The following USP16 variants were observed in gnomAD, a reference collection of about 807,000 sequenced individuals.
USP16 encodes the protein ubiquitin carboxyl-terminal hydrolase 16.
A neutral mutation model predicts 95.9 loss-of-function variants in USP16; 77 were observed. The observed-to-expected ratio is 0.80, with a 90% confidence interval of 0.67 to 0.97. The LOEUF (loss-of-function observed/expected upper bound fraction) is 0.97. Among genes scored for constraint, USP16 ranks in the 50% least tolerant of loss-of-function variants. The pLI is 0.00. For synonymous variants in USP16, 303 were observed against 318.2 expected, an observed-to-expected ratio of 0.95 and a Z score of 0.51; for missense variants, 943 against 959.9, an observed-to-expected ratio of 0.98 and a Z score of 0.23.
chr21:29,035,433 G>A (rs1009554941), intron 4 of USP16, among the ~76,000 whole-genome samples: 1 of 151,214 alleles, frequency 6.6e-6, no homozygotes, highest in African/African-American at 2.4e-5. Flanking sequence ...GAGTGCAGTG[G>A]TGTGATCTCG....
chr21:29,046,751 T>C lies in USP16; in HGVS notation c.1441T>C (p.Tyr481His), dbSNP rs766523511. ...TATTGACCATCCTGAAGACAGTGAA[T>C]ATGAAGCTGAAATGTCACTTCAAGG... ...CTIDHPEDSE[Y>H]EAEMSLQGEV... is the part of the protein sequence containing the mutation. The change falls in exon 14 of 18, where the codon TAT (tyrosine) becomes CAT (histidine). Residue 481 changes from tyrosine to histidine, a missense_variant. Transcript: ENST00000399976. 1.1e-5 allele frequency: 17 copies of C among 1,613,918 alleles called. No individual in the cohort carries two copies. Among genetic ancestry groups the C allele is most frequent in the Non-Finnish European group, 1.2e-5 (14 of 1,179,984 alleles).
intron 10 of USP16, 38 bp from the exon 11 acceptor site, chr21:29,041,975 C>G: frequency 6.6e-7 from 1 of 1,522,600 alleles, no homozygotes; most frequent in Admixed American, 1.7e-5. Flanking sequence ...AATTATATAA[C>G]GGTAATTGGT....
chr21:29,053,838 T>G lies in USP16; in HGVS notation c.2230T>G (p.Leu744Val). Residue 744 changes from leucine (L) to valine (V), a missense_variant, in exon 17 of 18, where the codon TTA (leucine) becomes GTA (valine). Coordinates refer to ENST00000399976, the MANE Select transcript of USP16 (RefSeq NM_006447.3). ...AEENTRVLYS[L>V]YGVVEHSGTM... ...AGAAAATACAAGGGTACTCTATTCC[T>G]TATATGGAGTTGTTGAACACAGTGG... 6.2e-7 allele frequency: 1 copy of G among 1,613,966 alleles called. No individual in the cohort carries two copies. The highest frequency in any genetic ancestry group is 8.5e-7 in the Non-Finnish European group (1 of 1,179,966).
intron 14 of USP16, among the ~76,000 whole-genome samples, chr21:29,047,732 G>C (rs905346057): frequency 6.6e-6 from 1 of 151,766 alleles, no homozygotes; most frequent in Non-Finnish European, 1.5e-5. Flanking sequence ...TTCCTCAAAT[G>C]GGAGAAAGGA....
At chr21:29,053,150 G>C (rs2085441685) in intron 16 of USP16, 1 of 152,252 alleles carries the variant, frequency 6.6e-6, no homozygotes, top group African/African-American at 2.4e-5. Flanking sequence ...AGATTGGGAA[G>C]CTGAGTATAG....
chr21:29,049,948 T>C (rs1240915648), intron 15 of USP16, 144 bp from the exon 16 acceptor site: 1 of 677,040 alleles, frequency 1.5e-6, no homozygotes, highest in African/African-American at 1.8e-5. Flanking sequence ...AATCAGTTAG[T>C]GTTCAGGAAG....
chr21:29,047,229 T>A lies in USP16; in HGVS notation c.1919T>A (p.Phe640Tyr). 6.2e-7 allele frequency: 1 copy of A among 1,614,152 alleles called. No individual in the cohort carries two copies. Among genetic ancestry groups the A allele is most frequent in the Non-Finnish European group, 8.5e-7 (1 of 1,180,014 alleles). Residue 640 changes from phenylalanine to tyrosine, a missense_variant, in exon 14 of 18, where the codon TTC (phenylalanine) becomes TAC (tyrosine). Coordinates refer to ENST00000399976, the MANE Select transcript of USP16 (RefSeq NM_006447.3). The stretch of plus-strand genomic sequence containing the variant: ...TCAATCCAACATTGTTTATATCAGT[T>A]CACCCGTAATGAGAAACTTCGAGAT... Reference protein sequence around the residue: ...ECSIQHCLYQFTRNEKLRDAN... With the variant: ...ECSIQHCLYQYTRNEKLRDAN...
intron 15 of USP16, among the ~76,000 whole-genome samples, chr21:29,049,304 C>G (rs1000179744): frequency 6.6e-6 from 1 of 152,180 alleles, no homozygotes; most frequent in Non-Finnish European, 1.5e-5. Context: ...TGTATAACTT[C>G]TAAACTGTGT....
intron 1 of USP16, chr21:29,026,776 G>A (rs967201142): frequency 4.0e-5 from 6 of 151,786 alleles, no homozygotes; most frequent in African/African-American, 1.5e-4. Flanking sequence ...TTAAAGTGTT[G>A]TTATGAAAAT....
Position 29,030,763 on chromosome 21 carries a change from G to A in USP16, c.230G>A (p.Cys77Tyr). The A allele has an allele frequency of 6.2e-7, 1 of 1,606,086 alleles. No homozygotes were observed. Among genetic ancestry groups the A allele is most frequent in the Non-Finnish European group, 8.5e-7 (1 of 1,177,794 alleles). The change falls in exon 3 of 18, where the codon TGT becomes TAT. Residue 77 changes from cysteine to tyrosine, a missense_variant. Physicochemically the swap from Cys to Tyr is radical, Grantham distance 194. Coordinates refer to ENST00000399976, the MANE Select transcript of USP16 (RefSeq NM_006447.3). ...CCTTCAGTTTGGCTGTGTCTTAAAT[G>A]TGGCCATCAGGTATGCTTACGTTTT... The part of the protein sequence containing the change: ...EKPSVWLCLK[C>Y]GHQGCGRNSQ...
intron 6 of USP16, among the ~76,000 whole-genome samples, chr21:29,037,734 C>T (rs1452166180): frequency 2.0e-5 from 3 of 151,908 alleles, no homozygotes; most frequent in East Asian, 1.9e-4. Context: ...TACAGGCATG[C>T]GCCACCACTC....
chr21:29,039,658 C>A, intron 9 of USP16, 90 bp downstream of exon 9: 1 of 1,307,476 alleles, frequency 7.6e-7, no homozygotes, highest in Admixed American at 2.2e-5. Context: ...ACAATGAAAG[C>A]TAGTTATTAA....
intron 4 of USP16, among the ~76,000 whole-genome samples, chr21:29,036,001 A>G (rs1015754298): frequency 6.6e-6 from 1 of 152,236 alleles, no homozygotes; most frequent in Non-Finnish European, 1.5e-5. Context: ...TATGTAAACA[A>G]TCTTTTGACT....
Position 29,041,982 on chromosome 21 carries a change from T to TGGTAATTATATAAAC in USP16, c.1031-24_1031-23insATATAAACGGTAATT, listed in dbSNP as rs751175475. ...GTTTAATTAATTATATAACGGTAAT[T>TGGTAATTATATAAAC]GGTAATTGATAGACTTTTTTTTCTC... On this transcript the variant is annotated intron_variant, in intron 10 of 17. Coordinates refer to ENST00000399976, the MANE Select transcript of USP16 (RefSeq NM_006447.3). The TGGTAATTATATAAAC allele has an allele frequency of 2.6e-6, 4 of 1,559,418 alleles. No homozygotes were observed. In the African/African-American group the frequency reaches 5.4e-5, roughly 21 times the overall value.
chr21:29,027,616 C>G (rs2085011767), intron 1 of USP16, among the ~76,000 whole-genome samples: 3 of 152,208 alleles, frequency 2.0e-5, no homozygotes, highest in Admixed American at 2.0e-4. Context: ...GACCAAGGTT[C>G]TCTCCTGACC....
chr21:29,030,114 A>G (rs1019460576), intron 2 of USP16, among the ~76,000 whole-genome samples: 4 of 152,084 alleles, frequency 2.6e-5, no homozygotes, highest in Non-Finnish European at 2.9e-5. Flanking sequence ...ATTCTTATAC[A>G]TTAATTTATT....
chr21:29,026,833 A>G (rs149965549), intron 1 of USP16, among the ~76,000 whole-genome samples: 66 of 152,266 alleles, frequency 4.3e-4, no homozygotes, highest in Admixed American at 8.5e-4. Context: ...CAAAAGCACT[A>G]TATAGTTATA....
intron 10 of USP16, among the ~76,000 whole-genome samples, chr21:29,041,312 C>T (rs531628160): frequency 2.0e-5 from 3 of 152,108 alleles, no homozygotes; most frequent in African/African-American, 7.2e-5. Context: ...GAGAGAATTA[C>T]CCCTGCTGGC....
chr21:29,043,610 A>G lies in USP16; in HGVS notation c.1356+11A>G. The G allele has an allele frequency of 4.6e-6, 7 of 1,527,556 alleles. No individual in the cohort carries two copies. The highest frequency in any genetic ancestry group is 6.1e-6 in the Non-Finnish European group (7 of 1,144,384). The allele number at this position is 1,527,556 out of a possible 1,614,324, so 94.6% of individuals were successfully genotyped here. A position where few individuals can be genotyped will look rare whatever the true frequency, so the allele number is the denominator to read the frequency against. ...AAAAAGCAAGCCAAGGTGGGTAATT[A>G]GGAGGAAAATCATATGCTTGTAATT... On this transcript the variant is annotated intron_variant, in intron 13 of 17. Transcript: ENST00000399976.
Sources: allele counts gnomAD v4.1 joint callset (sites outside exome capture counted in the v4.1 genomes callset), GRCh38; gene constraint gnomAD v4.1.1; transcripts MANE v1.5; gene names NCBI Gene and HGNC (gene_info 2026-07-23, HGNC 2026-07-21).